Variants in CDCA2 observed in about 807,000 individuals in gnomAD.
CDCA2 encodes cell division cycle associated 2.
Under a neutral mutation model 67.0 loss-of-function variants are expected in CDCA2, and 44 were observed. The ratio of observed to expected loss-of-function variants is 0.66; its 90% CI spans 0.52 to 0.84. The LOEUF (loss-of-function observed/expected upper bound fraction) is 0.84. CDCA2 is among the 40% of genes least tolerant of loss of function. CDCA2 has a pLI of 0.00. For synonymous variants in CDCA2, 447 were observed against 418.7 expected, an observed-to-expected ratio of 1.07 and a Z score of -0.82; for missense variants, 1,253 against 1,203.2, an observed-to-expected ratio of 1.04 and a Z score of -0.61.
intron 4 of CDCA2, 148 bp downstream of exon 4, chr8:25,462,356 G>A: frequency 1.2e-6 from 1 of 850,346 alleles, no homozygotes; most frequent in Middle Eastern, 3.3e-4. Flanking sequence ...GCCGGGCGCG[G>A]TGGCTCACGC....
chr8:25,489,443 A>G (rs1803915359), intron 13 of CDCA2, among the ~76,000 whole-genome samples: 1 of 152,166 alleles, frequency 6.6e-6, no homozygotes, highest in African/African-American at 2.4e-5. Context: ...AACTCTTGTC[A>G]GGAATCTCAA....
At chr8:25,490,828 T>C (rs1183775969) in intron 13 of CDCA2, among the ~76,000 whole-genome samples, 2 of 152,128 alleles carry the variant, frequency 1.3e-5, no homozygotes, top group Non-Finnish European at 2.9e-5. Flanking sequence ...TGCCCCACCC[T>C]AGGTAGGATT....
chr8:25,503,919 G>A (rs528956901), intron 14 of CDCA2, among the ~76,000 whole-genome samples: 1 of 152,174 alleles, frequency 6.6e-6, no homozygotes, highest in South Asian at 2.1e-4. Flanking sequence ...GAGAGCTGGG[G>A]CACCTGCCTG....
At position 25,460,487 on chromosome 8, in the gene CDCA2, G is replaced by C. The variant is rs201392259; in HGVS notation, c.165G>C (p.Leu55Phe). The C allele has an allele frequency of 2.3e-5, 37 of 1,613,980 alleles. No homozygotes were observed. Among genetic ancestry groups the C allele is most frequent in the Non-Finnish European group, 2.4e-5 (28 of 1,180,032 alleles). The stretch of plus-strand genomic sequence containing the variant: ...CACCAGATACTTTTAAATCACCTTT[G>C]AACTTTTCCACAGTAACCGTAGAGC... Reference protein sequence around the residue: ...PCTPDTFKSPLNFSTVTVEQL... With the variant: ...PCTPDTFKSPFNFSTVTVEQL... The change falls in exon 3 of 15, where the codon TTG becomes TTC. Residue 55 changes from leucine to phenylalanine, a missense_variant. Physicochemically the swap from Leu to Phe is conservative, Grantham distance 22 (BLOSUM62 0). Transcript: ENST00000330560.
chr8:25,485,649 T>A (rs1803745769), intron 10 of CDCA2, 110 bp from the exon 11 acceptor site: 1 of 560,746 alleles, frequency 1.8e-6, no homozygotes, highest in Admixed American at 3.5e-5. Context: ...TACCCATCTT[T>A]ATGCTTATTA....
Position 25,487,311 on chromosome 8 carries a change from A to G in CDCA2, c.1510A>G (p.Thr504Ala), listed in dbSNP as rs1365660814. The G allele has an allele frequency of 2.5e-6, 4 of 1,605,244 alleles. No homozygotes were observed. The African/African-American group carries it at 4.0e-5, about 16-fold the overall frequency. ...KISSPKVGRI[T>A]RTSNRRNQLV... is the part of the protein sequence containing the mutation. ...ATCCTCTCCTAAAGTTGGTAGAATAACAAGGACTTCTAACAGAAGAAATGT... is the reference window on the plus strand; with the variant it reads ...ATCCTCTCCTAAAGTTGGTAGAATAGCAAGGACTTCTAACAGAAGAAATGT... The change falls in exon 12 of 15, where the codon ACA becomes GCA. Residue 504 changes from threonine (T) to alanine (A), a missense_variant. Physicochemically the swap from Thr to Ala is moderately conservative, Grantham distance 58. Transcript: ENST00000330560.
At chr8:25,476,572 A>G (rs1803358478) in intron 7 of CDCA2, among the ~76,000 whole-genome samples, 1 of 143,324 alleles carries the variant, frequency 7.0e-6, no homozygotes, top group African/African-American at 2.6e-5. Flanking sequence ...TTTTTTTTTG[A>G]GATGGAGTCT....
At chr8:25,501,433 T>C (rs1187899424) in intron 13 of CDCA2, among the ~76,000 whole-genome samples, 1 of 152,216 alleles carries the variant, frequency 6.6e-6, no homozygotes, top group Non-Finnish European at 1.5e-5. Context: ...CAGTGAGCCT[T>C]CATTGCTTTC....
At chr8:25,498,463 C>CCCCCCCCCCCCCCCCCCCCCCCCCA (rs71214578) in intron 13 of CDCA2, among the ~76,000 whole-genome samples, 1 of 125,752 alleles carries the variant, frequency 8.0e-6, no homozygotes, top group African/African-American at 2.8e-5. Flanking sequence ...ACCCCCCCCC[C>CCCCCCCCCCCCCCCCCCCCCCCCCA]GCCCCCCAGG....
At chr8:25,465,475 A>G (rs1198324535) in intron 4 of CDCA2, among the ~76,000 whole-genome samples, 1 of 152,126 alleles carries the variant, frequency 6.6e-6, no homozygotes, top group Non-Finnish European at 1.5e-5. Flanking sequence ...CTTGTCTTTA[A>G]CTGGCACTTC....
At chr8:25,470,083 A>G (rs929129351) in intron 7 of CDCA2, 103 bp downstream of exon 7, 2 of 721,748 alleles carry the variant, frequency 2.8e-6, no homozygotes, top group African/African-American at 3.5e-5. Context: ...ATTGTTTCCT[A>G]CTTTTTAGGA....
intron 13 of CDCA2, among the ~76,000 whole-genome samples, chr8:25,491,892 G>A (rs897785197): frequency 1.3e-5 from 2 of 152,020 alleles, no homozygotes; most frequent in Non-Finnish European, 2.9e-5. Flanking sequence ...CCACCTCCTG[G>A]GTTCAAGCAA....
chr8:25,499,166 A>G (rs1563283021), intron 13 of CDCA2, among the ~76,000 whole-genome samples: 2 of 152,118 alleles, frequency 1.3e-5, no homozygotes, highest in African/African-American at 2.4e-5. Context: ...GCCCTTTATC[A>G]GAGAGAGGGA....
rs774268934 is a variant in CDCA2, at chr8:25,469,921, A to C, written c.761A>C (p.Gln254Pro). The change falls in exon 7 of 15, where the codon CAG (glutamine) becomes CCG (proline). Residue 254 changes from glutamine (Q) to proline (P), a missense_variant. Transcript: ENST00000330560. ...ATATCATCTAAACTTGGTTCAACAC[A>C]GTCTGGATTTTTAGTTGAAGAGTCT... Reference protein sequence around the residue: ...SEISSKLGSTQSGFLVEESLP... With the variant: ...SEISSKLGSTPSGFLVEESLP... 6.2e-7 allele frequency: 1 copy of C among 1,611,494 alleles called. No individual in the cohort carries two copies. The highest frequency in any genetic ancestry group is 8.5e-7 in the Non-Finnish European group (1 of 1,178,454).
At chr8:25,462,278 A>T in intron 4 of CDCA2, 70 bp downstream of exon 4, 1 of 1,470,010 alleles carries the variant, frequency 6.8e-7, no homozygotes, top group African/African-American at 1.4e-5. Flanking sequence ...TACACCTTCT[A>T]GTGCATCTGC....
chr8:25,478,888 G>GTGTGTATATATATA (rs1006353040), intron 7 of CDCA2, among the ~76,000 whole-genome samples: 15 of 111,592 alleles, frequency 1.3e-4, no homozygotes, highest in African/African-American at 5.6e-4. Context: ...TTGTGTGTGT[G>GTGTGTATATATATA]TATATATATA....
chr8:25,487,261 G>A lies in CDCA2; in HGVS notation c.1460G>A (p.Ser487Asn), dbSNP rs1187696893. 1 of 1,611,234 alleles carries A rather than the reference G, an allele frequency of 6.2e-7. No individual in the cohort carries two copies. Among genetic ancestry groups the A allele is most frequent in the South Asian group, 1.1e-5 (1 of 90,812 alleles). ...SETLSGTDTFSSSNNHEKISS... is the reference protein window; with the variant it reads ...SETLSGTDTFNSSNNHEKISS... ...TGTTTATCAGGCACTGATACCTTTA[G>A]TTCTTCAAATAACCATGAGAAAATA... The change falls in exon 12 of 15, where the codon AGT becomes AAT. Residue 487 changes from serine (S) to asparagine (N), a missense_variant. Transcript: ENST00000330560.
chr8:25,503,834 G>A (rs964661593), intron 14 of CDCA2, among the ~76,000 whole-genome samples: 9 of 152,078 alleles, frequency 5.9e-5, no homozygotes, highest in Admixed American at 2.0e-4. Flanking sequence ...TGTGCATCCT[G>A]TTTCCTTTTG....
chr8:25,490,265 T>C (rs1298552492), intron 13 of CDCA2, among the ~76,000 whole-genome samples: 1 of 152,044 alleles, frequency 6.6e-6, no homozygotes, highest in Non-Finnish European at 1.5e-5. Context: ...CATATAAAAT[T>C]ACGGCCAGAA....
Sources: allele counts gnomAD v4.1 joint callset (sites outside exome capture counted in the v4.1 genomes callset), GRCh38; gene constraint gnomAD v4.1.1; transcripts MANE v1.5; gene names NCBI Gene and HGNC (gene_info 2026-07-23, HGNC 2026-07-21).